The following ITFG1 variants were observed in gnomAD, a reference collection of about 807,000 sequenced individuals.
ITFG1 encodes integrin alpha FG-GAP repeat containing 1.
Under a neutral mutation model 81.8 loss-of-function variants are expected in ITFG1, and 34 were observed. The ratio of observed to expected loss-of-function variants is 0.42; its 90% CI spans 0.32 to 0.55. The LOEUF is 0.55. Among genes scored for constraint, ITFG1 ranks in the 20% least tolerant of loss-of-function variants. The pLI, the probability that ITFG1 is intolerant of heterozygous loss-of-function variation, is 0.17. For missense variants in ITFG1, 672 were observed against 755.4 expected (o/e 0.89, Z 1.29); for synonymous variants, 285 against 270.6 (o/e 1.05, Z -0.52).
At chr16:47,343,617 G>A (rs1967813194) in intron 8 of ITFG1, among the ~76,000 whole-genome samples, 1 of 152,020 alleles carries the variant, frequency 6.6e-6, no homozygotes, top group Admixed American at 6.6e-5. Flanking sequence ...ATCAACATCA[G>A]TCATTAGAGA....
intron 14 of ITFG1, among the ~76,000 whole-genome samples, chr16:47,183,784 G>T (rs1368180818): frequency 3.9e-5 from 6 of 152,202 alleles, no homozygotes; most frequent in Non-Finnish European, 8.8e-5. Context: ...AAAGCTGGAC[G>T]GAGAATGACT....
At chr16:47,314,542 C>T (rs1967321980) in intron 8 of ITFG1, among the ~76,000 whole-genome samples, 1 of 152,096 alleles carries the variant, frequency 6.6e-6, no homozygotes, top group African/African-American at 2.4e-5. Context: ...TTACAAAGCA[C>T]AGTATTCTGC....
At chr16:47,268,834 G>A (rs547700798) in intron 10 of ITFG1, among the ~76,000 whole-genome samples, 2 of 152,274 alleles carry the variant, frequency 1.3e-5, no homozygotes, top group African/African-American at 4.8e-5. Context: ...TTTATTGCAG[G>A]AATGCAAAGT....
rs779057154 is a variant in ITFG1 at position 47,428,867 on chromosome 16, T to C, written c.592A>G (p.Thr198Ala). Residue 198 changes from threonine to alanine, a missense_variant, in exon 6 of 18, where the codon ACA becomes GCA. Around this residue, in one of 3 missense-constraint regions of ITFG1, gnomAD observed 560 missense variants for 625.7 expected, o/e 0.90. Coordinates refer to ENST00000320640, the MANE Select transcript of ITFG1 (RefSeq NM_030790.5). ...NLSWHPALTT[T>A]SKMRIPHSHA... ...GAATGTGGAATTCGCATTTTACTTGTAGTGGTCAATGCTGGATGCCATGAT... is the reference window on the plus strand; with the variant it reads ...GAATGTGGAATTCGCATTTTACTTGCAGTGGTCAATGCTGGATGCCATGAT... 5.6e-6 allele frequency: 9 copies of C among 1,608,238 alleles called. No homozygotes were observed. The highest frequency in any genetic ancestry group is 3.3e-5 in the Admixed American group (2 of 59,706).
At position 47,416,019 on chromosome 16, in the gene ITFG1, A is replaced by G. The variant is rs531883047; in HGVS notation, c.655+12785T>C. 2.0e-5 allele frequency among the ~76,000 whole-genome samples: 3 copies of G among 152,242 alleles called. No individual in the cohort carries two copies. The East Asian group carries it at 5.8e-4, about 29-fold the overall frequency. ...TGAGGCAGGAGAATCCCTTGAACCC[A>G]GGAGGCAGAGGCTGCAATGAGCCAA... On this transcript the variant is annotated intron_variant, in intron 6 of 17. Transcript: ENST00000320640.
chr16:47,180,375 C>T (rs1006672338), intron 14 of ITFG1, among the ~76,000 whole-genome samples: 5 of 151,848 alleles, frequency 3.3e-5, no homozygotes, highest in Non-Finnish European at 5.9e-5. Context: ...CCCTCCCCCT[C>T]CCCCTCTCCC....
rs116187670 is a variant in ITFG1 at position 47,265,560 on chromosome 16, C to T, written c.1071-4865G>A. On this transcript the variant is annotated intron_variant, in intron 10 of 17. Coordinates refer to ENST00000320640, the MANE Select transcript of ITFG1 (RefSeq NM_030790.5). ...CTATCATAAAGGTTCTGAAACTATACGTGAAGTGCTATAATACTGTTTGAA... is the reference window on the plus strand; with the variant it reads ...CTATCATAAAGGTTCTGAAACTATATGTGAAGTGCTATAATACTGTTTGAA... Among the ~76,000 whole-genome samples, 402 of 152,088 alleles carry T rather than the reference C, an allele frequency of 2.6e-3. 3 individuals are homozygous for T. The highest frequency in any genetic ancestry group is 9.1e-3 in the African/African-American group (377 of 41,524).
At chr16:47,458,489 C>T (rs1327659044) in intron 2 of ITFG1, among the ~76,000 whole-genome samples, 2 of 152,112 alleles carry the variant, frequency 1.3e-5, no homozygotes, top group African/African-American at 4.8e-5. Context: ...CAGACAGCCA[C>T]GAATGCTTGC....
chr16:47,241,669 GA>G (rs1322321719), intron 12 of ITFG1, among the ~76,000 whole-genome samples: 1 of 152,136 alleles, frequency 6.6e-6, no homozygotes, highest in Non-Finnish European at 1.5e-5. Flanking sequence ...AAGAGTGACA[GA>G]CAAGGCCGGG....
rs929698291 is a variant in ITFG1, at chr16:47,161,980, A to G, written c.1579-148T>C. Reference sequence around the variant, plus strand: ...TATGTTTACCAATATTAAGCCAAAAATAAGGCTTTTGTGCCATCTGTTGGA... The same window carrying G: ...TATGTTTACCAATATTAAGCCAAAAGTAAGGCTTTTGTGCCATCTGTTGGA... On this transcript the variant is annotated intron_variant, in intron 15 of 17. Transcript: ENST00000320640. The G allele has an allele frequency of 1.2e-5, 7 of 579,186 alleles. No individual in the cohort carries two copies. In the Admixed American group the frequency reaches 2.1e-4, roughly 17 times the overall value. 35.9% of individuals were successfully genotyped at this position (579,186 alleles called of 1,614,324 possible).
chr16:47,438,601 C>T (rs1429490028), intron 5 of ITFG1, among the ~76,000 whole-genome samples: 1 of 152,178 alleles, frequency 6.6e-6, no homozygotes, highest in African/African-American at 2.4e-5. Flanking sequence ...CTAGTAAATT[C>T]CAACAGACCT....
intron 6 of ITFG1, among the ~76,000 whole-genome samples, chr16:47,393,306 A>G (rs1968554759): frequency 6.6e-6 from 1 of 152,138 alleles, no homozygotes; most frequent in South Asian, 2.1e-4. Context: ...GTATTCCTTT[A>G]GCATAATTAG....
chr16:47,248,853 G>T (rs1966033215), intron 12 of ITFG1, among the ~76,000 whole-genome samples: 1 of 152,200 alleles, frequency 6.6e-6, no homozygotes, highest in South Asian at 2.1e-4. Context: ...GGCCCATTAT[G>T]GAAAAGGGAA....
chr16:47,174,567 C>A lies in ITFG1; in HGVS notation c.1454-11903G>T, dbSNP rs796596408. On this transcript the variant is annotated intron_variant, in intron 14 of 17. Coordinates refer to ENST00000320640, the MANE Select transcript of ITFG1 (RefSeq NM_030790.5). ...AGAGTCTTGCTCTGTCTTGCCCAGG[C>A]TGGAGTGCAGTGGTACGATCTCGGC... 6.6e-4 allele frequency among the ~76,000 whole-genome samples: 100 copies of A among 152,244 alleles called. 1 individual carries two copies. Among genetic ancestry groups the A allele is most frequent in the African/African-American group, 2.3e-3 (95 of 41,534 alleles).
intron 10 of ITFG1, among the ~76,000 whole-genome samples, chr16:47,280,892 G>A (rs998915508): frequency 6.6e-6 from 1 of 152,054 alleles, no homozygotes; most frequent in African/African-American, 2.4e-5. Flanking sequence ...CAGTTGTGAG[G>A]GTGGGACACT....
chr16:47,311,294 T>C lies in ITFG1; in HGVS notation c.1016A>G (p.Tyr339Cys). ...PIPITLHIGD[Y>C]NMDGYPDALV... ...AGCGTCTGGATAGCCATCCATATTG[T>C]AGTCTCCAATATGAAGGGTAATTGG... The change falls in exon 10 of 18, where the codon TAC (tyrosine) becomes TGC (cysteine). Residue 339 changes from tyrosine to cysteine, a missense_variant. Physicochemically the swap from Tyr to Cys is radical, Grantham distance 194. Transcript: ENST00000320640. 4 of 1,610,528 alleles carry C rather than the reference T, an allele frequency of 2.5e-6. No homozygotes were observed. Among genetic ancestry groups the C allele is most frequent in the Non-Finnish European group, 3.4e-6 (4 of 1,176,746 alleles).
intron 10 of ITFG1, among the ~76,000 whole-genome samples, chr16:47,264,763 C>T (rs1488040667): frequency 1.1e-4 from 17 of 152,132 alleles, no homozygotes; most frequent in Non-Finnish European, 1.9e-4. Context: ...TCATATCTTG[C>T]CGGTATTAGT....
intron 6 of ITFG1, among the ~76,000 whole-genome samples, chr16:47,391,328 T>C (rs912867657): frequency 2.0e-5 from 3 of 152,222 alleles, no homozygotes; most frequent in Admixed American, 1.3e-4. Flanking sequence ...AAGACACCTA[T>C]ATTTTCACAG....
chr16:47,416,930 T>C (rs1161558103), intron 6 of ITFG1, among the ~76,000 whole-genome samples: 7 of 152,244 alleles, frequency 4.6e-5, no homozygotes, highest in African/African-American at 1.7e-4. Flanking sequence ...TAGCTAAATT[T>C]GTAGGACATG....
Sources: allele counts gnomAD v4.1 joint callset (sites outside exome capture counted in the v4.1 genomes callset), GRCh38; gene constraint gnomAD v4.1.1; regional missense constraint gnomAD v4.1.1; transcripts MANE v1.5; gene names NCBI Gene and HGNC (gene_info 2026-07-23, HGNC 2026-07-21).